XXYLT1: variants seen among roughly 807,000 people sequenced by gnomAD.
XXYLT1 encodes xyloside xylosyltransferase 1.
Under a neutral mutation model 28.9 loss-of-function variants are expected in XXYLT1, and 20 were observed. The ratio of observed to expected loss-of-function variants is 0.69; its 90% CI spans 0.49 to 1.00. The LOEUF (loss-of-function observed/expected upper bound fraction) is 1.00. XXYLT1 is among the 50% of genes least tolerant of loss of function. The probability of loss-of-function intolerance (pLI) is 0.00; values close to 1 mark genes in which losing one functional copy is unlikely to be tolerated. For missense variants in XXYLT1, 542 were observed against 560.1 expected (o/e 0.97, Z 0.33); for synonymous variants, 257 against 253.8 (o/e 1.01, Z -0.12).
intron 1 of XXYLT1, among the ~76,000 whole-genome samples, chr3:195,246,809 T>C (rs117640391): frequency 6.6e-6 from 1 of 152,308 alleles, no homozygotes; most frequent in East Asian, 1.9e-4. Flanking sequence ...TCCACAAGCA[T>C]AAATCCAGGA....
At chr3:195,225,379 G>T (rs763513076) in intron 2 of XXYLT1, among the ~76,000 whole-genome samples, 3 of 152,270 alleles carry the variant, frequency 2.0e-5, no homozygotes, top group Non-Finnish European at 2.9e-5. Flanking sequence ...TTTTCCCTGT[G>T]GCAGGACAAC....
At chr3:195,254,268 G>T (rs1348655652) in intron 1 of XXYLT1, among the ~76,000 whole-genome samples, 1 of 152,224 alleles carries the variant, frequency 6.6e-6, no homozygotes, top group African/African-American at 2.4e-5. Context: ...TGAAACTGGG[G>T]TCAGCAGCAG....
chr3:195,229,325 T>G (rs1427948323), intron 1 of XXYLT1, among the ~76,000 whole-genome samples: 1 of 152,224 alleles, frequency 6.6e-6, no homozygotes, highest in Non-Finnish European at 1.5e-5. Context: ...AAGCATACAA[T>G]GCATAATAAT....
intron 3 of XXYLT1, among the ~76,000 whole-genome samples, chr3:195,145,221 C>A (rs1296687284): frequency 6.6e-6 from 1 of 152,080 alleles, no homozygotes; most frequent in Non-Finnish European, 1.5e-5. Flanking sequence ...AAGCAGCGGG[C>A]TTGTTTGTGT....
intron 3 of XXYLT1, among the ~76,000 whole-genome samples, chr3:195,151,879 A>AAGGG (rs1216826909): frequency 1.1e-4 from 16 of 140,862 alleles, no homozygotes; most frequent in Admixed American, 4.9e-4. Flanking sequence ...AGTGAAGATT[A>AAGGG]AGGGAGGGAG....
At chr3:195,245,976 T>G (rs1360705346) in intron 1 of XXYLT1, among the ~76,000 whole-genome samples, 1 of 152,198 alleles carries the variant, frequency 6.6e-6, no homozygotes, top group Non-Finnish European at 1.5e-5. Context: ...TACACCTCTT[T>G]TTAAAATAAA....
At chr3:195,156,034 C>T (rs1004436850) in intron 3 of XXYLT1, among the ~76,000 whole-genome samples, 1 of 152,232 alleles carries the variant, frequency 6.6e-6, no homozygotes, top group Non-Finnish European at 1.5e-5. Context: ...CGTCTTCCCT[C>T]CCTACAAGAC....
intron 3 of XXYLT1, among the ~76,000 whole-genome samples, chr3:195,127,589 A>C (rs975639557): frequency 1.3e-5 from 2 of 152,044 alleles, no homozygotes; most frequent in African/African-American, 2.4e-5. Context: ...CAGCATGGGC[A>C]ACATACTGAG....
intron 1 of XXYLT1, among the ~76,000 whole-genome samples, chr3:195,258,843 T>G (rs188340341): frequency 6.6e-6 from 1 of 152,252 alleles, no homozygotes; most frequent in East Asian, 1.9e-4. Context: ...CACCGTAGTT[T>G]GGAGAATTGA....
At chr3:195,191,411 A>G (rs929181973) in intron 2 of XXYLT1, among the ~76,000 whole-genome samples, 1 of 152,238 alleles carries the variant, frequency 6.6e-6, no homozygotes, top group Non-Finnish European at 1.5e-5. Context: ...TTTCTTTAAA[A>G]AATTTTCTTT....
intron 2 of XXYLT1, among the ~76,000 whole-genome samples, chr3:195,207,949 C>G (rs866179454): frequency 6.6e-6 from 1 of 152,148 alleles, no homozygotes; most frequent in Non-Finnish European, 1.5e-5. Context: ...TTCCTCCAGG[C>G]AAGGCTCAGA....
chr3:195,213,928 G>A (rs1275144202), intron 2 of XXYLT1, among the ~76,000 whole-genome samples: 2 of 152,120 alleles, frequency 1.3e-5, no homozygotes, highest in East Asian at 1.9e-4. Context: ...GAGTCACGAG[G>A]GGTTTAGGCA....
intron 3 of XXYLT1, among the ~76,000 whole-genome samples, chr3:195,088,196 G>T (rs1418985468): frequency 6.6e-6 from 1 of 151,622 alleles, no homozygotes; most frequent in African/African-American, 2.4e-5. Flanking sequence ...GCTCAAGGAG[G>T]CCTGCCTGCC....
In XXYLT1 at chr3:195,069,793, G is replaced by A. The variant is rs534860981; in HGVS notation, c.1104C>T (p.Val368=). The change falls in exon 4 of 4, where the codon GTC becomes GTT. Residue 368 remains valine, a synonymous_variant. Transcript: ENST00000310380. ...CCTCACACCTGAAATAGGCCTCGAA[G>A]ACGTCACTGTAGCCATGGTCCCTCC... ...TWWRDHGYSD[V]FEAYFRCEGH... 5.5e-5 allele frequency: 89 copies of A among 1,614,184 alleles called. 1 individual carries two copies. The South Asian group carries it at 8.6e-4, about 16-fold the overall frequency.
intron 2 of XXYLT1, among the ~76,000 whole-genome samples, chr3:195,169,869 A>AT (rs34190474): frequency 0.06 from 7,337 of 123,124 alleles, 323 homozygotes; most frequent in East Asian, 0.27. Flanking sequence ...ATATATATAT[A>AT]TTTTTTTTTT....
rs1469875240 is a variant in XXYLT1 at position 195,178,852 on chromosome 3, G to C, written c.653-22271C>G. ...CTGAATTTGTAAAAGAAAGGAAATA[G>C]GCTTCTTCATTGAGATCGAGAGCTG... On this transcript the variant is annotated intron_variant, in intron 2 of 3. Coordinates refer to ENST00000310380, the MANE Select transcript of XXYLT1 (RefSeq NM_152531.5). 2.6e-5 allele frequency among the ~76,000 whole-genome samples: 4 copies of C among 152,330 alleles called. No homozygotes were observed. In the East Asian group the frequency reaches 7.7e-4, roughly 29 times the overall value.
intron 3 of XXYLT1, among the ~76,000 whole-genome samples, chr3:195,110,724 GTGTGTGC>G (rs1717628437): frequency 6.9e-6 from 1 of 144,102 alleles, no homozygotes; most frequent in Non-Finnish European, 1.5e-5. Context: ...TGGTGTGTGT[GTGTGTGC>G]TGTATGTGTG....
intron 3 of XXYLT1, among the ~76,000 whole-genome samples, chr3:195,110,187 T>TGG (rs1717460391): frequency 3.1e-4 from 5 of 16,074 alleles, no homozygotes; most frequent in East Asian, 1.1e-3. Context: ...TGTGTGTGTG[T>TGG]GGGTGAGGTG....
intron 2 of XXYLT1, among the ~76,000 whole-genome samples, chr3:195,211,211 T>C (rs1050874649): frequency 2.0e-5 from 3 of 152,104 alleles, no homozygotes; most frequent in Non-Finnish European, 4.4e-5. Context: ...CTGGCCAACA[T>C]GGTGAAACCC....
Sources: gnomAD v4.1 joint callset for allele counts (sites outside exome capture counted in the v4.1 genomes callset) on GRCh38, gnomAD v4.1.1 for gene constraint, MANE v1.5 for transcripts, NCBI Gene and HGNC (gene_info 2026-07-23, HGNC 2026-07-21) for gene names.